The following RAC3 variants were observed in gnomAD, a reference collection of about 807,000 sequenced individuals.
RAC3 encodes Rac family small GTPase 3.
Under a neutral mutation model 19.0 loss-of-function variants are expected in RAC3, and 9 were observed. That is an observed-to-expected ratio of 0.47 (90% CI 0.29 to 0.83). The LOEUF (loss-of-function observed/expected upper bound fraction) is 0.83. RAC3 is among the 40% of genes least tolerant of loss of function. The pLI is 0.09. For missense variants in RAC3, 203 were observed against 260.8 expected (o/e 0.78, Z 1.53); for synonymous variants, 146 against 111.8 (o/e 1.31, Z -1.93).
intron 1 of RAC3, 35 bp downstream of exon 1, chr17:82,031,831 TG>T: frequency 7.9e-6 from 1 of 126,438 alleles, no homozygotes; most frequent in Non-Finnish European, 1.5e-5. Flanking sequence ...TTGGCTGGGC[TG>T]GGCGGGAGGG....
chr17:82,032,103 CT>C, intron 1 of RAC3: 1 of 480,320 alleles, frequency 2.1e-6, no homozygotes, highest in South Asian at 2.6e-5. Context: ...GGGCTGAACC[CT>C]CAGCCGGCCC....
In RAC3 at chr17:82,033,662, C is replaced by A; in HGVS notation, c.449-37C>A. 1 of 1,606,018 alleles carries A rather than the reference C, an allele frequency of 6.2e-7. No homozygotes were observed. The highest frequency in any genetic ancestry group is 8.5e-7 in the Non-Finnish European group (1 of 1,174,760). ...GAGGCGCAGTAAGGGCCTCCCTGTA[C>A]CCCACCCTCACTGTCTCCCCTCCTC... On this transcript the variant is annotated intron_variant, in intron 5 of 5. Transcript: ENST00000306897. This position sits in a 1 kb window ranked among gnomAD's most constrained non-coding sequence, Gnocchi z 6.2.
At chr17:82,032,641 C>A in intron 2 of RAC3, 70 bp from the exon 3 acceptor site, 5 of 1,502,074 alleles carry the variant, frequency 3.3e-6, no homozygotes, top group Non-Finnish European at 4.6e-6. Context: ...AACCCCAAGA[C>A]ACAGGCCAGC....
rs373849474 is a variant in RAC3, at chr17:82,032,695, C to T, written c.108-16C>T. ...GACCCCTCCCAAGCCCTGACCCTGC[C>T]CTCACTGCTCTGCAGTTTTGACAAC... On this transcript the variant is annotated splice_polypyrimidine_tract_variant and intron_variant, in intron 2 of 5. Transcript: ENST00000306897. The T allele has an allele frequency of 3.7e-6, 6 of 1,609,728 alleles. No individual in the cohort carries two copies. In the African/African-American group the frequency reaches 4.0e-5, roughly 11 times the overall value.
intron 3 of RAC3, 51 bp from the exon 4 acceptor site, chr17:82,032,896 G>C: frequency 6.2e-6 from 10 of 1,610,444 alleles, no homozygotes; most frequent in Non-Finnish European, 8.5e-6. Context: ...GGAGGGAGCA[G>C]GGCCCTGGGG....
chr17:82,033,615 C>A lies in RAC3; in HGVS notation c.448+16C>A. The A allele has an allele frequency of 6.2e-7, 1 of 1,604,454 alleles. No individual in the cohort carries two copies. Among genetic ancestry groups the A allele is most frequent in the Non-Finnish European group, 8.5e-7 (1 of 1,174,166 alleles). The stretch of plus-strand genomic sequence containing the variant: ...CGGGAGATTGGTGGGTAGGCGCTGG[C>A]GGCCTGCAGGGGAGGGGTGGGGAGG... On this transcript the variant is annotated intron_variant, in intron 5 of 5. Transcript: ENST00000306897. The surrounding 1 kb of genome is among the most constrained non-coding windows in gnomAD (Gnocchi z 6.2).
chr17:82,032,259 T>C (rs1015142391), intron 1 of RAC3, 128 bp from the exon 2 acceptor site: 8 of 818,696 alleles, frequency 9.8e-6, no homozygotes, highest in Non-Finnish European at 1.6e-5. Flanking sequence ...ACGGATCTGG[T>C]GGGCTGGGTC....
In RAC3 at chr17:82,033,745, G is replaced by A. The variant is rs766417072; in HGVS notation, c.495G>A (p.Leu165=). ...GCTCAGCCCTGACCCAGCGGGGCCTGAAGACAGTGTTTGACGAGGCGATCC... is the reference window on the plus strand; with the variant it reads ...GCTCAGCCCTGACCCAGCGGGGCCTAAAGACAGTGTTTGACGAGGCGATCC... ...LECSALTQRG[L]KTVFDEAIRA... The change falls in exon 6 of 6, where the codon CTG becomes CTA. Residue 165 remains leucine, a synonymous_variant. Coordinates refer to ENST00000306897, the MANE Select transcript of RAC3 (RefSeq NM_005052.3). The surrounding 1 kb of genome is among the most constrained non-coding windows in gnomAD (Gnocchi z 6.2). The A allele has an allele frequency of 5.5e-5, 89 of 1,612,972 alleles. No homozygotes were observed. Among genetic ancestry groups the A allele is most frequent in the Admixed American group, 4.8e-4 (29 of 59,996 alleles).
chr17:82,033,346 A>G lies in RAC3; in HGVS notation c.289-94A>G. The G allele has an allele frequency of 1.5e-6, 2 of 1,361,926 alleles. No individual in the cohort carries two copies. Among genetic ancestry groups the G allele is most frequent in the Non-Finnish European group, 2.0e-6 (2 of 1,021,176 alleles). The allele number at this position is 1,361,926 out of a possible 1,614,324, so 84.4% of individuals were successfully genotyped here. On this transcript the variant is annotated intron_variant, in intron 4 of 5. Transcript: ENST00000306897. This position sits in a 1 kb window ranked among gnomAD's most constrained non-coding sequence, Gnocchi z 6.2. ...GAAGAAGAGCCAAGTGTAGCTCTGG[A>G]ACAGTGGGGAAAGTCCCTGAGGGCC...
In RAC3 at chr17:82,033,329, G is replaced by A; in HGVS notation, c.289-111G>A. ...CTGGTCACCCCTTGAAGGAAGAAGAGCCAAGTGTAGCTCTGGAACAGTGGG... is the reference window on the plus strand; with the variant it reads ...CTGGTCACCCCTTGAAGGAAGAAGAACCAAGTGTAGCTCTGGAACAGTGGG... On this transcript the variant is annotated intron_variant, in intron 4 of 5. Transcript: ENST00000306897. The surrounding 1 kb of genome is among the most constrained non-coding windows in gnomAD (Gnocchi z 6.2). The A allele has an allele frequency of 2.3e-6, 3 of 1,277,828 alleles. No individual in the cohort carries two copies. Among genetic ancestry groups the A allele is most frequent in the African/African-American group, 1.5e-5 (1 of 66,498 alleles). 79.2% of individuals were successfully genotyped at this position (1,277,828 alleles called of 1,614,324 possible).
chr17:82,033,871 C>T lies in RAC3; in HGVS notation c.*42C>T. 6.4e-7 allele frequency: 1 copy of T among 1,553,046 alleles called. No homozygotes were observed. The highest frequency in any genetic ancestry group is 8.7e-7 in the Non-Finnish European group (1 of 1,147,536). On this transcript the variant is annotated 3_prime_UTR_variant, in exon 6 of 6. Transcript: ENST00000306897. The surrounding 1 kb of genome is among the most constrained non-coding windows in gnomAD (Gnocchi z 6.2). Reference sequence around the variant, plus strand: ...AGCCTGAGGGCTGGCGGGGAGCAGCCCTGGACGTGTCCGCTGTTGTGTTGA... The same window carrying T: ...AGCCTGAGGGCTGGCGGGGAGCAGCTCTGGACGTGTCCGCTGTTGTGTTGA...
At position 82,032,719 on chromosome 17, in the gene RAC3, A is replaced by G. The variant is rs758761321; in HGVS notation, c.116A>G (p.Asn39Ser). 1 of 1,612,974 alleles carries G rather than the reference A, an allele frequency of 6.2e-7. No homozygotes were observed. Among genetic ancestry groups the G allele is most frequent in the Non-Finnish European group, 8.5e-7 (1 of 1,179,930 alleles). Residue 39 changes from asparagine (N) to serine (S), a missense_variant, in exon 3 of 6, where the codon AAC (asparagine) becomes AGC (serine). By Grantham distance (46) the Asn-to-Ser change is conservative. Coordinates refer to ENST00000306897, the MANE Select transcript of RAC3 (RefSeq NM_005052.3). ...CCCTCACTGCTCTGCAGTTTTGACA[A>G]CTACTCTGCCAACGTGATGGTGGAC... ...PGEYIPTVFD[N>S]YSANVMVDGK...
At position 82,033,855 on chromosome 17, in the gene RAC3, G is replaced by A; in HGVS notation, c.*26G>A. 6.4e-7 allele frequency: 1 copy of A among 1,573,000 alleles called. No individual in the cohort carries two copies. The highest frequency in any genetic ancestry group is 1.4e-5 in the African/African-American group (1 of 73,910). ...AGCCCTGGCCCACCCGAGCCTGAGGGCTGGCGGGGAGCAGCCCTGGACGTG... is the reference window on the plus strand; with the variant it reads ...AGCCCTGGCCCACCCGAGCCTGAGGACTGGCGGGGAGCAGCCCTGGACGTG... On this transcript the variant is annotated 3_prime_UTR_variant, in exon 6 of 6. Coordinates refer to ENST00000306897, the MANE Select transcript of RAC3 (RefSeq NM_005052.3). This position sits in a 1 kb window ranked among gnomAD's most constrained non-coding sequence, Gnocchi z 6.2.
rs1333811893 is a variant in RAC3 at position 82,032,927 on chromosome 17, G to T, written c.226-20G>T. ...TGGGGAGCCCCTGACCACTCCACCA[G>T]GTCCCACCTTTTTCCCAAGGACGTC... On this transcript the variant is annotated intron_variant, in intron 3 of 5. Transcript: ENST00000306897. The T allele has an allele frequency of 3.7e-6, 6 of 1,613,186 alleles. No homozygotes were observed. The highest frequency in any genetic ancestry group is 4.2e-6 in the Non-Finnish European group (5 of 1,179,654).
At chr17:82,032,578 T>A in intron 2 of RAC3, 120 bp downstream of exon 2, 2 of 1,447,940 alleles carry the variant, frequency 1.4e-6, no homozygotes, top group Non-Finnish European at 1.9e-6. Context: ...TCTCTGGGCT[T>A]CCCGGCTGGA....
Position 82,033,838 on chromosome 17 carries a change from C to T in RAC3, c.*9C>T, listed in dbSNP as rs1173013830. 1.9e-6 allele frequency: 3 copies of T among 1,584,670 alleles called. No individual in the cohort carries two copies. The highest frequency in any genetic ancestry group is 1.1e-5 in the South Asian group (1 of 88,112). On this transcript the variant is annotated 3_prime_UTR_variant, in exon 6 of 6. Transcript: ENST00000306897. This position sits in a 1 kb window ranked among gnomAD's most constrained non-coding sequence, Gnocchi z 6.2. ...AGTGCACCGTCTTCTAGAGCCCTGG[C>T]CCACCCGAGCCTGAGGGCTGGCGGG... is the stretch of plus-strand genomic sequence containing the variant.
rs1215095014 is a variant in RAC3 at position 82,033,300 on chromosome 17, G to A, written c.289-140G>A. ...TTCCTGGTATCTCCCCACCAAATCC[G>A]CCCCTGGTCACCCCTTGAAGGAAGA... On this transcript the variant is annotated intron_variant, in intron 4 of 5. Coordinates refer to ENST00000306897, the MANE Select transcript of RAC3 (RefSeq NM_005052.3). The surrounding 1 kb of genome is among the most constrained non-coding windows in gnomAD (Gnocchi z 6.2). 3.1e-5 allele frequency: 34 copies of A among 1,082,662 alleles called. No individual in the cohort carries two copies. The highest frequency in any genetic ancestry group is 4.2e-5 in the Non-Finnish European group (33 of 776,928). The allele number at this position is 1,082,662 out of a possible 1,614,324, so 67.1% of individuals were successfully genotyped here.
chr17:82,033,726 C>T lies in RAC3; in HGVS notation c.476C>T (p.Ala159Val). The T allele has an allele frequency of 1.2e-6, 2 of 1,613,064 alleles. No homozygotes were observed. Among genetic ancestry groups the T allele is most frequent in the Non-Finnish European group, 1.7e-6 (2 of 1,179,846 alleles). ...IGSVKYLECS[A>V]LTQRGLKTVF... is the part of the protein sequence containing the mutation. ...TCTGTGAAATACCTGGAGTGCTCAG[C>T]CCTGACCCAGCGGGGCCTGAAGACA... The change falls in exon 6 of 6, where the codon GCC becomes GTC. Residue 159 changes from alanine (A) to valine (V), a missense_variant. By Grantham distance (64) the Ala-to-Val change is moderately conservative. Around this residue, in one of 3 missense-constraint regions of RAC3, gnomAD observed 142 missense variants for 158.2 expected, o/e 0.90. Transcript: ENST00000306897. The surrounding 1 kb of genome is among the most constrained non-coding windows in gnomAD (Gnocchi z 6.2).
At position 82,033,495 on chromosome 17, in the gene RAC3, C is replaced by G; in HGVS notation, c.344C>G (p.Thr115Ser). The G allele has an allele frequency of 6.2e-7, 1 of 1,612,748 alleles. No homozygotes were observed. The highest frequency in any genetic ancestry group is 8.5e-7 in the Non-Finnish European group (1 of 1,179,772). ...CPHTPILLVG[T>S]KLDLRDDKDT... is the part of the protein sequence containing the mutation. ...CACACGCCCATCCTCCTGGTGGGCA[C>G]CAAGCTGGACCTCCGCGACGACAAG... is the stretch of plus-strand genomic sequence containing the variant. The change falls in exon 5 of 6, where the codon ACC (threonine) becomes AGC (serine). Residue 115 changes from threonine (T) to serine (S), a missense_variant. This residue lies in a region of RAC3 where 142 missense variants were observed against 158.2 expected (regional missense o/e 0.90). Coordinates refer to ENST00000306897, the MANE Select transcript of RAC3 (RefSeq NM_005052.3). The surrounding 1 kb of genome is among the most constrained non-coding windows in gnomAD (Gnocchi z 6.2).
Sources: allele counts gnomAD v4.1 joint callset, GRCh38; gene constraint gnomAD v4.1.1; regional missense constraint gnomAD v4.1.1; non-coding constraint Gnocchi (gnomAD v3.1); transcripts MANE v1.5; gene names NCBI Gene and HGNC (gene_info 2026-07-23, HGNC 2026-07-21).